Variants in ZNF236 observed in about 807,000 individuals in gnomAD.
The protein encoded by ZNF236 is regulated by glucose.
In ZNF236, 50 loss-of-function variants were observed where a neutral mutation model predicts 191.2. That is an observed-to-expected ratio of 0.26 (90% CI 0.21 to 0.33). The LOEUF (loss-of-function observed/expected upper bound fraction) is 0.33. Ranked by LOEUF, ZNF236 falls within the 10% of genes least tolerant of loss-of-function variation. The pLI is 1.00. For missense variants in ZNF236, 1,754 were observed against 2,374.5 expected (o/e 0.74, Z 5.43); for synonymous variants, 907 against 928.8 (o/e 0.98, Z 0.43).
intron 13 of ZNF236, among the ~76,000 whole-genome samples, chr18:76,907,668 TAGTC>T (rs1178746505): frequency 6.6e-6 from 1 of 151,938 alleles, no homozygotes; most frequent in Non-Finnish European, 1.5e-5. Flanking sequence ...GCCAGCCTGT[TAGTC>T]AGATAATTGT....
intron 9 of ZNF236, among the ~76,000 whole-genome samples, chr18:76,883,456 C>T (rs1253022657): frequency 7.0e-6 from 1 of 142,888 alleles, no homozygotes; most frequent in Non-Finnish European, 1.5e-5. Context: ...CTGGGTCTTG[C>T]TGTGTTGTCC....
chr18:76,850,857 G>C (rs368813738), intron 2 of ZNF236, among the ~76,000 whole-genome samples: 3 of 151,756 alleles, frequency 2.0e-5, no homozygotes, highest in East Asian at 2.0e-4. Flanking sequence ...GCCTGCCTCA[G>C]CCTCCCAAAG....
rs920431333 is a variant in ZNF236, at chr18:76,895,045, C to T, written c.1450C>T (p.His484Tyr). 3 of 1,611,148 alleles carry T rather than the reference C, an allele frequency of 1.9e-6. No homozygotes were observed. The highest frequency in any genetic ancestry group is 1.7e-5 in the Admixed American group (1 of 60,030). ...CCGCGAGGAGAACGGCGTGCGCTGG[C>T]ATGTGTGTCCCTACTGCGCCAAGGA... Reference protein sequence around the residue: ...SIREENGVRWHVCPYCAKEFR... With the variant: ...SIREENGVRWYVCPYCAKEFR... Residue 484 changes from histidine (H) to tyrosine (Y), a missense_variant, in exon 10 of 31, where the codon CAT becomes TAT. By Grantham distance (83) the His-to-Tyr change is moderately conservative. Around this residue, in one of 5 missense-constraint regions of ZNF236, gnomAD observed 126 missense variants for 110.9 expected, o/e 1.14. Coordinates refer to ENST00000320610, the MANE Select transcript of ZNF236 (RefSeq NM_001306089.2).
chr18:76,961,513 G>A (rs1208891209), intron 30 of ZNF236, among the ~76,000 whole-genome samples: 3 of 151,994 alleles, frequency 2.0e-5, no homozygotes, highest in Admixed American at 6.5e-5. Context: ...ATAAACATGC[G>A]TGTGCAAGTG....
chr18:76,943,520 C>T (rs548359711), intron 26 of ZNF236, among the ~76,000 whole-genome samples: 1 of 152,174 alleles, frequency 6.6e-6, no homozygotes, highest in Non-Finnish European at 1.5e-5. Context: ...AGGGAATTCT[C>T]TTTTATACTA....
chr18:76,901,735 G>A (rs897680826), intron 11 of ZNF236, among the ~76,000 whole-genome samples: 5 of 151,862 alleles, frequency 3.3e-5, no homozygotes, highest in African/African-American at 1.2e-4. Context: ...TCCAGCCTGG[G>A]GAACAACAGT....
intron 3 of ZNF236, among the ~76,000 whole-genome samples, chr18:76,863,094 CAG>C (rs2122569792): frequency 6.6e-6 from 1 of 152,130 alleles, no homozygotes; most frequent in South Asian, 2.1e-4. Flanking sequence ...ACTGGTGGAC[CAG>C]AGAGGACAGA....
rs372831626 is a variant in ZNF236, at chr18:76,928,045, C to T, written c.4533C>T (p.Ala1511=). 34 of 1,613,610 alleles carry T rather than the reference C, an allele frequency of 2.1e-5. No homozygotes were observed. The highest frequency in any genetic ancestry group is 2.0e-4 in the African/African-American group (15 of 74,864). ...GCCTGAGCCAGGTCCTGGCACAGGC[C>T]GCTGGGCCCACTGCCACGTCTTCCT... ...NSSLSQVLAQ[A]AGPTATSSSG... is the part of the protein sequence containing the mutation. Residue 1511 remains alanine, a synonymous_variant, in exon 25 of 31, where the codon GCC becomes GCT. Transcript: ENST00000320610.
chr18:76,868,794 A>G lies in ZNF236; in HGVS notation c.473A>G (p.Lys158Arg), dbSNP rs1453251489. ...GCTGGAACCCGGCAGCATGCCTGCA[A>G]GGCCTGCAAGAAAGAGTTCGAGACC... The part of the protein sequence containing the change: ...ELAGTRQHAC[K>R]ACKKEFETSS... Residue 158 changes from lysine to arginine, a missense_variant, in exon 4 of 31, where the codon AAG becomes AGG. Coordinates refer to ENST00000320610, the MANE Select transcript of ZNF236 (RefSeq NM_001306089.2). The G allele has an allele frequency of 2.5e-6, 4 of 1,613,888 alleles. No individual in the cohort carries two copies. Among genetic ancestry groups the G allele is most frequent in the Middle Eastern group, 1.7e-4 (1 of 6,060 alleles).
rs190351886 is a variant in ZNF236, at chr18:76,871,937, G to A, written c.667+112G>A. ...ATCCCAGCTTTCTCATAGTTTGCTG[G>A]ATAATCTTGCTGAAATTAGTTACTC... On this transcript the variant is annotated intron_variant, in intron 5 of 30. Transcript: ENST00000320610. 2,155 of 1,354,310 alleles carry A rather than the reference G, an allele frequency of 1.6e-3. 5 individuals are homozygous for A. The highest frequency in any genetic ancestry group is 6.7e-3 in the Middle Eastern group (34 of 5,052). 83.9% of individuals were successfully genotyped at this position (1,354,310 alleles called of 1,614,324 possible).
intron 3 of ZNF236, among the ~76,000 whole-genome samples, chr18:76,862,039 AT>A (rs1976250910): frequency 2.0e-5 from 3 of 151,654 alleles, no homozygotes; most frequent in African/African-American, 7.3e-5. Flanking sequence ...AGTTTTTTGT[AT>A]TTTTAGTAGA....
At chr18:76,918,239 A>G (rs918568427) in intron 19 of ZNF236, among the ~76,000 whole-genome samples, 3 of 152,076 alleles carry the variant, frequency 2.0e-5, no homozygotes, top group South Asian at 2.1e-4. Flanking sequence ...ATACTTATGC[A>G]TATAGTTCTC....
chr18:76,837,437 CTTTTTTT>C (rs71760598), intron 1 of ZNF236, among the ~76,000 whole-genome samples: 72 of 105,882 alleles, frequency 6.8e-4, no homozygotes, highest in African/African-American at 2.1e-3. Flanking sequence ...TTTTCTTTTT[CTTTTTTT>C]TTTTTTTTTT....
chr18:76,878,228 AT>A, intron 7 of ZNF236, 76 bp downstream of exon 7: 4 of 1,388,450 alleles, frequency 2.9e-6, no homozygotes, highest in Non-Finnish European at 3.8e-6. Flanking sequence ...ACAATTGAAT[AT>A]TTAGTAGCAA....
At position 76,925,923 on chromosome 18, in the gene ZNF236, T is replaced by TG. The variant is rs1388465942; in HGVS notation, c.4027+370dup. ...TATAGTGCAGTTTTCCAGTTGTTCT[T>TG]GCGTCTCATAGTGCTTGAGAAGTGT... On this transcript the variant is annotated intron_variant, in intron 22 of 30. Coordinates refer to ENST00000320610, the MANE Select transcript of ZNF236 (RefSeq NM_001306089.2). The surrounding 1 kb of genome is among the most constrained non-coding windows in gnomAD (Gnocchi z 5.7). 1.3e-5 allele frequency among the ~76,000 whole-genome samples: 2 copies of TG among 152,236 alleles called. No homozygotes were observed. Among genetic ancestry groups the TG allele is most frequent in the Non-Finnish European group, 2.9e-5 (2 of 68,046 alleles).
At chr18:76,929,404 G>C (rs959928858) in intron 25 of ZNF236, among the ~76,000 whole-genome samples, 2 of 152,090 alleles carry the variant, frequency 1.3e-5, no homozygotes, top group African/African-American at 4.8e-5. Flanking sequence ...TTTTAGGAAA[G>C]CTATTTGGTT....
chr18:76,947,063 C>G (rs1968281638), intron 26 of ZNF236, among the ~76,000 whole-genome samples: 1 of 152,084 alleles, frequency 6.6e-6, no homozygotes, highest in Non-Finnish European at 1.5e-5. Context: ...CACCGCTGCC[C>G]CTGGCAACTG....
chr18:76,853,740 G>A lies in ZNF236; in HGVS notation c.363+1801G>A, dbSNP rs578246463. Among the ~76,000 whole-genome samples the A allele has an allele frequency of 2.3e-4, 35 of 152,234 alleles. No individual in the cohort carries two copies. The South Asian group carries it at 3.5e-3, about 15-fold the overall frequency. ...GTTTGAAAATTGCTGGCTCGGCATG[G>A]TGGCTCATGTCTGTAATCCCAGCAC... On this transcript the variant is annotated intron_variant, in intron 3 of 30. Transcript: ENST00000320610.
intron 10 of ZNF236, chr18:76,897,988 A>G (rs1568218694): frequency 6.6e-6 from 1 of 152,246 alleles, no homozygotes; most frequent in Non-Finnish European, 1.5e-5. Context: ...GGCATTAAAA[A>G]CAAGTAACAC....
Sources: gnomAD v4.1 joint callset for allele counts (sites outside exome capture counted in the v4.1 genomes callset) on GRCh38, gnomAD v4.1.1 for gene constraint, gnomAD v4.1.1 regional missense constraint, Gnocchi (gnomAD v3.1) non-coding constraint, MANE v1.5 for transcripts, NCBI Gene and HGNC (gene_info 2026-07-23, HGNC 2026-07-21) for gene names.